The following UNKL variants were observed in gnomAD, a reference collection of about 807,000 sequenced individuals.
The protein encoded by UNKL is putative E3 ubiquitin-protein ligase UNKL.
UNKL carries 60 observed loss-of-function variants against 78.0 expected under a neutral mutation model. That is an observed-to-expected ratio of 0.77 (90% CI 0.63 to 0.95). The LOEUF is 0.95. UNKL is among the 40% of genes least tolerant of loss of function. The pLI is 0.00. For missense variants in UNKL, 1,159 were observed against 1,045.7 expected, an observed-to-expected ratio of 1.11 and a Z score of -1.49; for synonymous variants, 608 against 474.8, an observed-to-expected ratio of 1.28 and a Z score of -3.65.
At chr16:1,379,718 C>CA in intron 10 of UNKL, 3 of 979,128 alleles carry the variant, frequency 3.1e-6, no homozygotes, top group Non-Finnish European at 3.6e-6. Flanking sequence ...GCGCTGGCCC[C>CA]GCCCCGCAAC....
intron 9 of UNKL, among the ~76,000 whole-genome samples, chr16:1,389,200 C>A (rs901885457): frequency 1.3e-5 from 2 of 152,140 alleles, no homozygotes; most frequent in South Asian, 2.1e-4. Flanking sequence ...TGTTATGGAC[C>A]AAACGTGTCC....
intron 1 of UNKL, 108 bp from the exon 2 acceptor site, chr16:1,414,163 C>G (rs1275320210): frequency 2.6e-6 from 3 of 1,140,004 alleles, no homozygotes; most frequent in Non-Finnish European, 3.7e-6. Context: ...CAGGGTCGAC[C>G]CGTACTCACA....
intron 4 of UNKL, among the ~76,000 whole-genome samples, chr16:1,400,591 C>A (rs2037484019): frequency 6.6e-6 from 1 of 152,020 alleles, no homozygotes; most frequent in Non-Finnish European, 1.5e-5. Context: ...ATGGAATGTT[C>A]TGGAACTAGA....
At chr16:1,406,077 C>T (rs993591336) in intron 2 of UNKL, 10 of 456,586 alleles carry the variant, frequency 2.2e-5, no homozygotes, top group South Asian at 3.1e-5. Flanking sequence ...CGAGAACCAC[C>T]GGGCTTAGGA....
chr16:1,407,671 G>A (rs935251711), intron 2 of UNKL, among the ~76,000 whole-genome samples: 4 of 151,072 alleles, frequency 2.6e-5, no homozygotes, highest in African/African-American at 9.8e-5. Flanking sequence ...ACTCCAGCCT[G>A]GGCGACAGAG....
At chr16:1,396,844 A>G (rs1023047271) in intron 6 of UNKL, among the ~76,000 whole-genome samples, 9 of 152,114 alleles carry the variant, frequency 5.9e-5, no homozygotes, top group African/African-American at 1.9e-4. Flanking sequence ...TCAGCCTCCC[A>G]AAGTGCTGGG....
intron 12 of UNKL, 68 bp from the exon 13 acceptor site, chr16:1,367,926 C>A: frequency 7.1e-7 from 1 of 1,416,738 alleles, no homozygotes; most frequent in South Asian, 1.4e-5. Flanking sequence ...TTGGTGGGTG[C>A]TATGCCCCAG....
chr16:1,411,364 A>C (rs1211291548), intron 2 of UNKL, among the ~76,000 whole-genome samples: 4 of 151,914 alleles, frequency 2.6e-5, no homozygotes, highest in Non-Finnish European at 4.4e-5. Flanking sequence ...AAACAAAATA[A>C]TAAATAAAAT....
At chr16:1,368,488 G>A (rs1349917588) in intron 12 of UNKL, among the ~76,000 whole-genome samples, 2 of 151,694 alleles carry the variant, frequency 1.3e-5, no homozygotes, top group Non-Finnish European at 2.9e-5. Context: ...TGTAGTCCCA[G>A]CTACTCGGGA....
chr16:1,391,410 T>TCTCA (rs914453169), intron 8 of UNKL, among the ~76,000 whole-genome samples: 9 of 151,616 alleles, frequency 5.9e-5, no homozygotes, highest in Admixed American at 5.9e-4. Context: ...AATCCTCCTG[T>TCTCA]CTCAGCCTCC....
At chr16:1,388,768 G>A (rs945307518) in intron 9 of UNKL, among the ~76,000 whole-genome samples, 2 of 151,136 alleles carry the variant, frequency 1.3e-5, no homozygotes, top group Admixed American at 1.3e-4. Flanking sequence ...CCACACCTCC[G>A]CTACCACCAG....
At chr16:1,401,515 C>T (rs563911013) in intron 4 of UNKL, 53 bp downstream of exon 4, 47 of 1,465,868 alleles carry the variant, frequency 3.2e-5, no homozygotes, top group African/African-American at 5.8e-5. Flanking sequence ...GAGCTGTTCT[C>T]GCGCTGTGCC....
At chr16:1,374,308 G>A (rs1176941109) in intron 10 of UNKL, among the ~76,000 whole-genome samples, 1 of 152,218 alleles carries the variant, frequency 6.6e-6, no homozygotes, top group Non-Finnish European at 1.5e-5. Context: ...CTGCCCTGTC[G>A]TCCCTGCTGG....
Position 1,387,376 on chromosome 16 carries a change from AACCCGCCCCCT to A in UNKL, c.1087-2002_1087-1992del, listed in dbSNP as rs1243167294. On this transcript the variant is annotated intron_variant, in intron 9 of 14. Transcript: ENST00000389221. This position sits in a 1 kb window ranked among gnomAD's most constrained non-coding sequence, Gnocchi z 4.1. ...CGAGACCTGGTGCCATCTCAGTGGC[AACCCGCCCCCT>A]ATCCCTTGCACTTCCTGTCCCTGCT... Among the ~76,000 whole-genome samples, 1 of 152,194 alleles carries A rather than the reference AACCCGCCCCCT, an allele frequency of 6.6e-6. No individual in the cohort carries two copies. The highest frequency in any genetic ancestry group is 1.5e-5 in the Non-Finnish European group (1 of 68,024).
At chr16:1,379,720 C>G in intron 10 of UNKL, 1 of 978,944 alleles carries the variant, frequency 1.0e-6, no homozygotes, top group African/African-American at 1.8e-5. Context: ...GCTGGCCCCG[C>G]CCCGCAACGT....
chr16:1,395,576 GCCTGGCTCCATCTC>G, intron 6 of UNKL: 1 of 420,620 alleles, frequency 2.4e-6, no homozygotes, highest in South Asian at 1.7e-5. Flanking sequence ...GGAGGCACAG[GCCTGGCTCCATCTC>G]AGGCTGCCCC....
At chr16:1,411,588 A>G (rs914269234) in intron 2 of UNKL, among the ~76,000 whole-genome samples, 10 of 152,128 alleles carry the variant, frequency 6.6e-5, no homozygotes, top group African/African-American at 2.2e-4. Context: ...GCACTTTGGG[A>G]CGCCGAGGCG....
rs12922262 is a variant in UNKL, at chr16:1,372,906, A to T, written c.1265-1295T>A. On this transcript the variant is annotated intron_variant, in intron 10 of 14. Transcript: ENST00000389221. ...GCACACCACACAGGGACTGCCGGCC[A>T]ACACCGCACAGAGACCTCAGCAGCG... is the stretch of plus-strand genomic sequence containing the variant. 2.0e-4 allele frequency among the ~76,000 whole-genome samples: 17 copies of T among 83,324 alleles called. 4 individuals are homozygous for T. In the South Asian group the frequency reaches 2.6e-3, roughly 13 times the overall value. The allele number at this position is 83,324 out of a possible 152,430, so 54.7% of individuals were successfully genotyped here.
chr16:1,396,596 T>G lies in UNKL; in HGVS notation c.852+582A>C, dbSNP rs553620685. On this transcript the variant is annotated intron_variant, in intron 6 of 14. Coordinates refer to ENST00000389221, the MANE Select transcript of UNKL (RefSeq NM_001372107.1). The stretch of plus-strand genomic sequence containing the variant: ...GGCCTGAATATATATATTTTTTTCT[T>G]TTTCTTTTTTTTCCTGAGGCAGAGT... Among the ~76,000 whole-genome samples the G allele has an allele frequency of 9.2e-5, 14 of 152,076 alleles. No individual in the cohort carries two copies. The South Asian group carries it at 2.1e-3, about 23-fold the overall frequency.
Sources: gnomAD v4.1 joint callset for allele counts (sites outside exome capture counted in the v4.1 genomes callset) on GRCh38, gnomAD v4.1.1 for gene constraint, Gnocchi (gnomAD v3.1) non-coding constraint, MANE v1.5 for transcripts, NCBI Gene and HGNC (gene_info 2026-07-23, HGNC 2026-07-21) for gene names.